DNAH7: variants seen among roughly 807,000 people sequenced by gnomAD.
The protein encoded by DNAH7 is axonemal beta dynein heavy chain 7.
DNAH7 carries 397 observed loss-of-function variants against 444.6 expected under a neutral mutation model. The ratio of observed to expected loss-of-function variants is 0.89; its 90% CI spans 0.82 to 0.97. DNAH7 has a LOEUF of 0.97. Ranked by LOEUF, DNAH7 falls within the 50% of genes least tolerant of loss-of-function variation. The pLI, the probability that DNAH7 is intolerant of heterozygous loss-of-function variation, is 0.00. For missense variants in DNAH7, 4,902 were observed against 4,800.8 expected, an observed-to-expected ratio of 1.02 and a Z score of -0.62; for synonymous variants, 1,636 against 1,624.4, an observed-to-expected ratio of 1.01 and a Z score of -0.17.
chr2:195,852,297 C>T (rs1699422171), intron 46 of DNAH7, among the ~76,000 whole-genome samples: 1 of 151,744 alleles, frequency 6.6e-6, no homozygotes, highest in South Asian at 2.1e-4. Context: ...AACACCACCA[C>T]CAAGAGTCAA....
intron 24 of DNAH7, among the ~76,000 whole-genome samples, chr2:195,920,150 A>G (rs914995234): frequency 6.6e-6 from 1 of 152,194 alleles, no homozygotes; most frequent in African/African-American, 2.4e-5. Context: ...CAATCTACAG[A>G]TTCAATACAA....
intron 61 of DNAH7, among the ~76,000 whole-genome samples, chr2:195,766,043 TA>T (rs970176348): frequency 5.3e-5 from 8 of 151,574 alleles, no homozygotes; most frequent in African/African-American, 1.7e-4. Context: ...TATTCAGTCA[TA>T]AAAAGAATGA....
chr2:195,872,441 A>T lies in DNAH7; in HGVS notation c.6442T>A (p.Leu2148Met). Residue 2148 changes from leucine to methionine, a missense_variant, in exon 40 of 65, where the codon TTG (leucine) becomes ATG (methionine). Leu to Met is a conservative substitution (Grantham distance 15, BLOSUM62 2). Transcript: ENST00000312428. ...GTGCCATTTACGATTTGTGTGGTCA[A>T]ATCTAGAAATTCATCTGGAAATTTA... ...CYKFPDEFLD[L>M]TTQIVNGTMT... 1 of 1,594,892 alleles carries T rather than the reference A, an allele frequency of 6.3e-7. No individual in the cohort carries two copies. Among genetic ancestry groups the T allele is most frequent in the African/African-American group, 1.3e-5 (1 of 74,758 alleles).
rs1214461842 is a variant in DNAH7, at chr2:195,823,418, A to T, written c.9291+837T>A. ...TAAGATAGACCTCTGGAGAGCAGGGATCATGTTTATTCATCTTGGAGGGAA... is the reference window on the plus strand; with the variant it reads ...TAAGATAGACCTCTGGAGAGCAGGGTTCATGTTTATTCATCTTGGAGGGAA... On this transcript the variant is annotated intron_variant, in intron 49 of 64. Transcript: ENST00000312428. 2.0e-5 allele frequency among the ~76,000 whole-genome samples: 3 copies of T among 152,166 alleles called. No individual in the cohort carries two copies. In the East Asian group the frequency reaches 5.8e-4, roughly 29 times the overall value.
intron 40 of DNAH7, 70 bp downstream of exon 40, chr2:195,872,180 T>C: frequency 2.5e-6 from 3 of 1,223,452 alleles, no homozygotes; most frequent in Non-Finnish European, 3.6e-6. Context: ...GAATATTCTT[T>C]TTACCCAGTT....
chr2:195,843,591 G>A (rs1039556625), intron 47 of DNAH7, among the ~76,000 whole-genome samples: 3 of 152,114 alleles, frequency 2.0e-5, no homozygotes, highest in African/African-American at 4.8e-5. Flanking sequence ...GAATTAGCTT[G>A]TCTCAAATTC....
chr2:196,029,025 C>A (rs964423579), intron 5 of DNAH7, among the ~76,000 whole-genome samples: 1 of 152,158 alleles, frequency 6.6e-6, no homozygotes, highest in African/African-American at 2.4e-5. Context: ...CAATAGATAG[C>A]TAGTGATCAA....
intron 48 of DNAH7, among the ~76,000 whole-genome samples, chr2:195,831,515 G>A (rs1698070199): frequency 1.3e-5 from 2 of 152,208 alleles, no homozygotes; most frequent in Admixed American, 6.5e-5. Context: ...TGTCGTAAAT[G>A]TATAACAGTA....
At position 195,834,246 on chromosome 2, in the gene DNAH7, AT is replaced by A; in HGVS notation, c.9059del (p.Tyr3020LeufsTer17). The A allele has an allele frequency of 6.2e-7, 1 of 1,608,630 alleles. No individual in the cohort carries two copies. Among genetic ancestry groups the A allele is most frequent in the Non-Finnish European group, 8.5e-7 (1 of 1,175,782 alleles). ...GGATGCAATTTTCCAGAGTCCTGAC[AT>A]AGTCAGGTTCACTAAGTTTAATCAC... ...LYVIKLSEPD[Y>X]VRTLENCIQF... On this transcript the variant is annotated frameshift_variant, in exon 48 of 65. Coordinates refer to ENST00000312428, the MANE Select transcript of DNAH7 (RefSeq NM_018897.3). LOFTEE classifies it high-confidence loss of function.
chr2:196,022,596 A>G, intron 8 of DNAH7, among the ~76,000 whole-genome samples: 1 of 152,228 alleles, frequency 6.6e-6, no homozygotes, highest in East Asian at 1.9e-4. Context: ...ATTCAGTCAC[A>G]TCTTCAGGCT....
At chr2:196,001,359 G>A (rs541062789) in intron 11 of DNAH7, among the ~76,000 whole-genome samples, 10 of 149,228 alleles carry the variant, frequency 6.7e-5, no homozygotes, top group Admixed American at 6.6e-4. Flanking sequence ...AAATATGCAG[G>A]TTGACATTAA....
Position 195,857,497 on chromosome 2 carries a change from A to C in DNAH7, c.8294T>G (p.Met2765Arg), listed in dbSNP as rs779743889. The part of the protein sequence containing the change: ...YDKDNIPPAY[M>R]NIIRKNYIPN... Reference sequence around the variant, plus strand: ...AATATAATTTTTTCTTATGATATTCATATAAGCTGGAGGAATATTGTCCTT... The same window carrying C: ...AATATAATTTTTTCTTATGATATTCCTATAAGCTGGAGGAATATTGTCCTT... Residue 2765 changes from methionine to arginine, a missense_variant, in exon 44 of 65, where the codon ATG becomes AGG. Met to Arg is a moderately conservative substitution (Grantham distance 91). Transcript: ENST00000312428. The C allele has an allele frequency of 6.2e-7, 1 of 1,613,642 alleles. No homozygotes were observed. Among genetic ancestry groups the C allele is most frequent in the African/African-American group, 1.3e-5 (1 of 74,892 alleles).
chr2:196,003,804 T>A (rs562192065), intron 10 of DNAH7, among the ~76,000 whole-genome samples: 2 of 152,350 alleles, frequency 1.3e-5, no homozygotes, highest in African/African-American at 4.8e-5. Context: ...TCAATCTTTA[T>A]AATTAGTCAA....
chr2:196,068,502 A>C, intron 1 of DNAH7, 195 bp downstream of exon 1: 1 of 720,308 alleles, frequency 1.4e-6, no homozygotes, highest in Non-Finnish European at 2.2e-6. Context: ...ACCAAGGGCA[A>C]ACAGCTGGGA....
At chr2:196,033,835 A>G (rs1157427640) in intron 5 of DNAH7, among the ~76,000 whole-genome samples, 1 of 152,168 alleles carries the variant, frequency 6.6e-6, no homozygotes, top group Non-Finnish European at 1.5e-5. Flanking sequence ...TCATATGGTA[A>G]TTCTATTATT....
chr2:196,027,849 T>C (rs762204182), intron 6 of DNAH7, 111 bp downstream of exon 6: 14 of 894,670 alleles, frequency 1.6e-5, no homozygotes, highest in South Asian at 8.1e-5. Flanking sequence ...TTTATTCCTA[T>C]GTCCACAGAG....
At chr2:195,795,307 A>AG (rs1257027116) in intron 56 of DNAH7, among the ~76,000 whole-genome samples, 1 of 152,126 alleles carries the variant, frequency 6.6e-6, no homozygotes, top group Admixed American at 6.5e-5. Flanking sequence ...GCTTGAACCC[A>AG]GGGGGCGGAG....
intron 19 of DNAH7, among the ~76,000 whole-genome samples, chr2:195,948,639 C>T (rs1689993405): frequency 1.3e-5 from 2 of 152,130 alleles, no homozygotes; most frequent in African/African-American, 4.8e-5. Context: ...CTGTTCTGTT[C>T]CATTGGTCTA....
intron 63 of DNAH7, among the ~76,000 whole-genome samples, chr2:195,748,485 C>A (rs1221246715): frequency 6.6e-6 from 1 of 152,214 alleles, no homozygotes; most frequent in African/African-American, 2.4e-5. Context: ...GAAAAAACTA[C>A]TTTAAAGTTC....
Sources: allele counts gnomAD v4.1 joint callset (sites outside exome capture counted in the v4.1 genomes callset), GRCh38; gene constraint gnomAD v4.1.1; transcripts MANE v1.5; gene names NCBI Gene and HGNC (gene_info 2026-07-23, HGNC 2026-07-21).